DAB1: variants seen among roughly 807,000 people sequenced by gnomAD.
The protein encoded by DAB1 is DAB adaptor protein 1.
Under a neutral mutation model 64.6 loss-of-function variants are expected in DAB1, and 15 were observed. The observed-to-expected ratio is 0.23, with a 90% CI of 0.16 to 0.36. The LOEUF (loss-of-function observed/expected upper bound fraction) is 0.36, where lower values mean the gene tolerates loss of function less well. Among genes scored for constraint, DAB1 ranks in the 10% least tolerant of loss-of-function variants. The pLI is 1.00. For synonymous variants in DAB1, 235 were observed against 251.9 expected, an observed-to-expected ratio of 0.93 and a Z score of 0.64; for missense variants, 596 against 706.7, an observed-to-expected ratio of 0.84 and a Z score of 1.78.
At chr1:57,108,372 G>A (rs1655359480) in intron 4 of DAB1, among the ~76,000 whole-genome samples, 1 of 152,060 alleles carries the variant, frequency 6.6e-6, no homozygotes, top group African/African-American at 2.4e-5. Context: ...CCTGCACTCA[G>A]CTGTTTGGAA....
chr1:57,483,165 T>C (rs1644045597), intron 7 of DAB1, among the ~76,000 whole-genome samples: 2 of 152,224 alleles, frequency 1.3e-5, no homozygotes, highest in South Asian at 4.1e-4. Flanking sequence ...CATTATTTCC[T>C]CAATTGATCT....
At chr1:57,695,608 G>C (rs1367823813) in intron 6 of DAB1, among the ~76,000 whole-genome samples, 1 of 151,980 alleles carries the variant, frequency 6.6e-6, no homozygotes, top group Admixed American at 6.6e-5. Context: ...CCTTAAATAG[G>C]CAAATGGAGA....
At position 57,600,578 on chromosome 1, in the gene DAB1, G is replaced by A. The variant is rs191392637; in HGVS notation, n.625+49014C>T. On this transcript the variant is annotated intron_variant and non_coding_transcript_variant, in intron 7 of 20. Transcript: ENST00000485760. Reference sequence around the variant, plus strand: ...AAAATGCTTAGAGCCCTGGGGGGTCGGGATGGGTTAAGGCAGGGCCTCTTT... The same window carrying A: ...AAAATGCTTAGAGCCCTGGGGGGTCAGGATGGGTTAAGGCAGGGCCTCTTT... Among the ~76,000 whole-genome samples the A allele has an allele frequency of 5.9e-4, 90 of 152,220 alleles. 1 individual carries two copies. The highest frequency in any genetic ancestry group is 1.0e-3 in the Non-Finnish European group (68 of 68,020).
At chr1:57,881,298 CTCTG>C (rs1333785095) in intron 1 of DAB1, among the ~76,000 whole-genome samples, 6 of 152,178 alleles carry the variant, frequency 3.9e-5, no homozygotes, top group African/African-American at 1.4e-4. Context: ...TTCACTGTTT[CTCTG>C]TCTGTAGAAT....
At chr1:58,407,421 A>T (rs1644626775) in intron 3 of DAB1, among the ~76,000 whole-genome samples, 1 of 152,162 alleles carries the variant, frequency 6.6e-6, no homozygotes, top group Admixed American at 6.5e-5. Flanking sequence ...GCATGGATGG[A>T]TATTTGCTGG....
intron 5 of DAB1, among the ~76,000 whole-genome samples, chr1:57,999,165 T>C (rs1250454844): frequency 1.3e-5 from 2 of 152,228 alleles, no homozygotes; most frequent in Non-Finnish European, 2.9e-5. Context: ...TCTGCTATCA[T>C]GGGCCAGGGT....
intron 7 of DAB1, among the ~76,000 whole-genome samples, chr1:57,575,019 CAA>C (rs1313666714): frequency 6.6e-6 from 1 of 152,180 alleles, no homozygotes; most frequent in Non-Finnish European, 1.5e-5. Flanking sequence ...AACCTTCTAT[CAA>C]TATTTACATA....
chr1:58,268,328 T>C (rs1158410941), intron 4 of DAB1, among the ~76,000 whole-genome samples: 1 of 152,158 alleles, frequency 6.6e-6, no homozygotes, highest in Non-Finnish European at 1.5e-5. Flanking sequence ...AAGGTAAGAA[T>C]ACAAATATAT....
At chr1:57,284,872 A>G (rs1672191896) in intron 2 of DAB1, among the ~76,000 whole-genome samples, 1 of 152,182 alleles carries the variant, frequency 6.6e-6, no homozygotes, top group South Asian at 2.1e-4. Flanking sequence ...TTTTTCAAGA[A>G]ACCTCCAAAA....
intron 5 of DAB1, among the ~76,000 whole-genome samples, chr1:57,918,093 A>ATAAT (rs1430637987): frequency 2.0e-5 from 3 of 150,418 alleles, no homozygotes; most frequent in Admixed American, 2.0e-4. Flanking sequence ...AAATAAATAA[A>ATAAT]TAAATAAATA....
chr1:58,476,862 G>A (rs1432264548), intron 3 of DAB1, among the ~76,000 whole-genome samples: 3 of 152,328 alleles, frequency 2.0e-5, no homozygotes, highest in South Asian at 2.1e-4. Flanking sequence ...ATTTGTTCAC[G>A]TAAGTGGCAG....
intron 7 of DAB1, among the ~76,000 whole-genome samples, chr1:57,476,816 G>A (rs930232379): frequency 1.3e-5 from 2 of 152,184 alleles, no homozygotes; most frequent in Non-Finnish European, 2.9e-5. Flanking sequence ...AGCCTGGGGG[G>A]TGTTAAAGAG....
chr1:57,745,462 C>T (rs12122095), intron 6 of DAB1, among the ~76,000 whole-genome samples: 58,298 of 151,654 alleles, frequency 0.38, 11,382 homozygotes, highest in Admixed American at 0.44. Context: ...ATCCAGAGAT[C>T]ACTTGGATTG....
intron 2 of DAB1, among the ~76,000 whole-genome samples, chr1:57,279,547 A>T (rs1274071401): frequency 5.9e-5 from 9 of 152,176 alleles, no homozygotes; most frequent in African/African-American, 2.2e-4. Context: ...ATCATTCACA[A>T]TAGCCAAGAG....
At chr1:58,445,006 C>T (rs946212438) in intron 3 of DAB1, among the ~76,000 whole-genome samples, 1 of 152,178 alleles carries the variant, frequency 6.6e-6, no homozygotes, top group African/African-American at 2.4e-5. Context: ...TATATATCAG[C>T]TCCACTACTT....
At chr1:57,542,447 G>A (rs554468953) in intron 7 of DAB1, among the ~76,000 whole-genome samples, 40 of 149,958 alleles carry the variant, frequency 2.7e-4, no homozygotes, top group African/African-American at 8.4e-4. Flanking sequence ...AAGCGAGCAT[G>A]GTTGAAAGCA....
chr1:57,093,890 A>G (rs517794), intron 4 of DAB1, among the ~76,000 whole-genome samples: 79,510 of 151,842 alleles, frequency 0.52, 21,258 homozygotes, highest in South Asian at 0.64. Flanking sequence ...GAGGTGGGCC[A>G]ATCACTTGAA....
At chr1:57,765,175 G>C (rs1649256441) in intron 6 of DAB1, among the ~76,000 whole-genome samples, 1 of 152,146 alleles carries the variant, frequency 6.6e-6, no homozygotes, top group South Asian at 2.1e-4. Flanking sequence ...TGATCAGAGA[G>C]AGAAATTTTG....
At chr1:57,305,968 C>CAAAAAAAAAAAA (rs1048177276) in intron 1 of DAB1, among the ~76,000 whole-genome samples, 2 of 62,276 alleles carry the variant, frequency 3.2e-5, no homozygotes, top group East Asian at 4.1e-4. Flanking sequence ...GACTCCGTCT[C>CAAAAAAAAAAAA]AAAAAAAAAA....
Sources: gnomAD v4.1 joint callset for allele counts (sites outside exome capture counted in the v4.1 genomes callset) on GRCh38, gnomAD v4.1.1 for gene constraint, MANE v1.5 for transcripts, NCBI Gene and HGNC (gene_info 2026-07-23, HGNC 2026-07-21) for gene names.